TJP3: variants seen among roughly 807,000 people sequenced by gnomAD.
TJP3 encodes tight junction protein 3.
Under a neutral mutation model 104.2 loss-of-function variants are expected in TJP3, and 85 were observed. That is an observed-to-expected ratio of 0.82 (90% CI 0.68 to 0.98). The LOEUF (loss-of-function observed/expected upper bound fraction) is 0.98, where lower values mean the gene tolerates loss of function less well. Ranked by LOEUF, TJP3 falls within the 50% of genes least tolerant of loss-of-function variation. TJP3 has a pLI of 0.00. For missense variants in TJP3, 1,367 were observed against 1,322.8 expected, an observed-to-expected ratio of 1.03 and a Z score of -0.52; for synonymous variants, 550 against 550.6, an observed-to-expected ratio of 1.00 and a Z score of 0.02.
intron 10 of TJP3, 40 bp from the exon 11 acceptor site, chr19:3,736,125 G>T: frequency 6.4e-7 from 1 of 1,559,898 alleles, no homozygotes; most frequent in Non-Finnish European, 8.7e-7. Context: ...CCCTTTGTCC[G>T]CCCACTCTGC....
chr19:3,735,226 G>T (rs1172457716), intron 8 of TJP3, among the ~76,000 whole-genome samples: 1 of 151,908 alleles, frequency 6.6e-6, no homozygotes, highest in Non-Finnish European at 1.5e-5. Flanking sequence ...TGGAGACAAG[G>T]TCTCACTCTG....
intron 1 of TJP3, among the ~76,000 whole-genome samples, chr19:3,713,223 G>A (rs1485028015): frequency 2.0e-5 from 3 of 152,204 alleles, no homozygotes; most frequent in East Asian, 1.9e-4. Flanking sequence ...CCCACAGACC[G>A]GGGCGTCTCC....
chr19:3,727,678 G>C (rs2036614569), intron 1 of TJP3, among the ~76,000 whole-genome samples: 2 of 151,124 alleles, frequency 1.3e-5, no homozygotes, highest in East Asian at 2.0e-4. Flanking sequence ...GGGTGGATCA[G>C]TTGAGGTCAG....
intron 1 of TJP3, among the ~76,000 whole-genome samples, chr19:3,718,253 G>C (rs1431244506): frequency 1.8e-5 from 1 of 54,572 alleles, no homozygotes; most frequent in Non-Finnish European, 3.4e-5. Context: ...GTGTGTGTGT[G>C]TGTCTGTGTG....
At chr19:3,743,784 A>G in intron 14 of TJP3, 155 bp from the exon 15 acceptor site, 1 of 640,208 alleles carries the variant, frequency 1.6e-6, no homozygotes, top group Non-Finnish European at 2.7e-6. Context: ...ACCTAGCTGC[A>G]AAGGACACTG....
At chr19:3,741,955 AG>A (rs1191288517) in intron 14 of TJP3, among the ~76,000 whole-genome samples, 4 of 151,840 alleles carry the variant, frequency 2.6e-5, no homozygotes, top group Non-Finnish European at 5.9e-5. Context: ...GGGCAACAAG[AG>A]CAAAACTCCG....
intron 1 of TJP3, among the ~76,000 whole-genome samples, chr19:3,720,780 G>A (rs918054145): frequency 1.2e-4 from 18 of 152,114 alleles, no homozygotes; most frequent in Admixed American, 1.1e-3. Context: ...TGGGCTGGGT[G>A]AGAAGAAGGA....
At chr19:3,741,737 G>A (rs2036824504) in intron 14 of TJP3, among the ~76,000 whole-genome samples, 2 of 150,624 alleles carry the variant, frequency 1.3e-5, no homozygotes, top group African/African-American at 4.9e-5. Flanking sequence ...GGGAGGCTGA[G>A]GCAGGTGGAT....
chr19:3,716,943 C>T (rs1377077468), intron 1 of TJP3, among the ~76,000 whole-genome samples: 5 of 139,270 alleles, frequency 3.6e-5, no homozygotes, highest in Non-Finnish European at 4.8e-5. Flanking sequence ...GGATTACAGG[C>T]GGGTGCCAAC....
chr19:3,716,205 A>C (rs148072172), intron 1 of TJP3, among the ~76,000 whole-genome samples: 4 of 146,176 alleles, frequency 2.7e-5, no homozygotes, highest in Non-Finnish European at 4.6e-5. Context: ...CCCGAGTAGC[A>C]GGGATTACAG....
In TJP3 at chr19:3,744,588, C is replaced by T. The variant is rs1057400937; in HGVS notation, c.1939+554C>T. On this transcript the variant is annotated intron_variant, in intron 15 of 20. Transcript: ENST00000541714. ...CTGAGGCAGGAGAATTGCTTGAACC[C>T]GTGAGGCAGAGGTTGCAGTGAGCCG... Among the ~76,000 whole-genome samples, 6 of 151,826 alleles carry T rather than the reference C, an allele frequency of 4.0e-5. No homozygotes were observed. The East Asian group carries it at 5.8e-4, about 15-fold the overall frequency.
In TJP3 at chr19:3,746,603, G is replaced by A. The variant is rs773719790; in HGVS notation, c.2129G>A (p.Arg710His). 8.7e-6 allele frequency: 14 copies of A among 1,613,082 alleles called. No homozygotes were observed. In the Admixed American group the frequency reaches 1.2e-4, roughly 13 times the overall value. The change falls in exon 17 of 21, where the codon CGC becomes CAC. Residue 710 changes from arginine to histidine, a missense_variant. By Grantham distance (29) the Arg-to-His change is conservative. Coordinates refer to ENST00000541714, the MANE Select transcript of TJP3 (RefSeq NM_001267560.2). This position sits in a 1 kb window ranked among gnomAD's most constrained non-coding sequence, Gnocchi z 4.1. ...PESRPALKAL[R>H]QWLAPASRRS... ...AGCCGGCCGGCCCTCAAGGCACTGC[G>A]CCAGTGGCTGGCGCCTGCCTCCCGC...
At chr19:3,749,304 G>A (rs1044106713) in intron 19 of TJP3, among the ~76,000 whole-genome samples, 13 of 152,026 alleles carry the variant, frequency 8.6e-5, no homozygotes, top group African/African-American at 3.1e-4. Flanking sequence ...TAGTAGTTGC[G>A]TGTCTTTTTG....
Position 3,735,863 on chromosome 19 carries a change from T to C in TJP3, c.1061-6T>C. On this transcript the variant is annotated splice_region_variant and splice_polypyrimidine_tract_variant and intron_variant, in intron 9 of 20. Transcript: ENST00000541714. Reference sequence around the variant, plus strand: ...CTTGGGAAAGAGACTGGCTTTTCCCTTTCAGAGTTGCCCAGGGAAAGCAGC... The same window carrying C: ...CTTGGGAAAGAGACTGGCTTTTCCCCTTCAGAGTTGCCCAGGGAAAGCAGC... 1 of 1,614,092 alleles carries C rather than the reference T, an allele frequency of 6.2e-7. No individual in the cohort carries two copies. Among genetic ancestry groups the C allele is most frequent in the Non-Finnish European group, 8.5e-7 (1 of 1,180,012 alleles).
At position 3,716,760 on chromosome 19, in the gene TJP3, G is replaced by C. The variant is rs1416766182; in HGVS notation, c.-10+8199G>C. On this transcript the variant is annotated intron_variant, in intron 1 of 20. Transcript: ENST00000541714. Reference sequence around the variant, plus strand: ...CCCACTTCAGCGCCTAGAGGTGCCTGCTACCACACCCAGCTCATACATATA... The same window carrying C: ...CCCACTTCAGCGCCTAGAGGTGCCTCCTACCACACCCAGCTCATACATATA... 3.6e-5 allele frequency among the ~76,000 whole-genome samples: 5 copies of C among 138,512 alleles called. 1 individual carries two copies. The highest frequency in any genetic ancestry group is 1.3e-4 in the African/African-American group (5 of 38,640). 90.9% of individuals were successfully genotyped at this position (138,512 alleles called of 152,430 possible). A position where few individuals can be genotyped will look rare whatever the true frequency, so the allele number is the denominator to read the frequency against.
chr19:3,739,061 G>C lies in TJP3; in HGVS notation c.1558G>C (p.Gly520Arg). The C allele has an allele frequency of 6.2e-7, 1 of 1,608,772 alleles. No individual in the cohort carries two copies. The highest frequency in any genetic ancestry group is 8.5e-7 in the Non-Finnish European group (1 of 1,177,288). The stretch of plus-strand genomic sequence containing the variant: ...CCCCGGGCAGAGCCACGCACGAGGA[G>C]GCCACTGGCTGGCGGTGCGCATGGG... ...PGPGQSHARG[G>R]HWLAVRMGRD... The change falls in exon 13 of 21, where the codon GGC becomes CGC. Residue 520 changes from glycine (G) to arginine (R), a missense_variant. Gly to Arg is a moderately radical substitution (Grantham distance 125, BLOSUM62 -2). Coordinates refer to ENST00000541714, the MANE Select transcript of TJP3 (RefSeq NM_001267560.2).
At chr19:3,722,868 GCACA>G (rs1287921107) in intron 1 of TJP3, among the ~76,000 whole-genome samples, 86 of 70,782 alleles carry the variant, frequency 1.2e-3, no homozygotes, top group South Asian at 1.4e-3. Flanking sequence ...GGGGGGGGGG[GCACA>G]GGGGACGGCG....
In TJP3 at chr19:3,750,128, C is replaced by T; in HGVS notation, c.2611-10C>T. ...GGAGTTTTGAAGCTCCTCTCTCCCT[C>T]TCCTCCAAGGTGGACAGCCGCCACC... On this transcript the variant is annotated splice_polypyrimidine_tract_variant and intron_variant, in intron 19 of 20. Coordinates refer to ENST00000541714, the MANE Select transcript of TJP3 (RefSeq NM_001267560.2). The T allele has an allele frequency of 6.2e-7, 1 of 1,614,142 alleles. No individual in the cohort carries two copies. The highest frequency in any genetic ancestry group is 1.1e-5 in the South Asian group (1 of 91,078).
At chr19:3,716,780 C>CAT (rs1255662392) in intron 1 of TJP3, among the ~76,000 whole-genome samples, 1,634 of 103,208 alleles carry the variant, frequency 0.016, 107 homozygotes, top group South Asian at 0.025. Context: ...CCAGCTCATA[C>CAT]ATATATATAT....
Sources: allele counts gnomAD v4.1 joint callset (sites outside exome capture counted in the v4.1 genomes callset), GRCh38; gene constraint gnomAD v4.1.1; non-coding constraint Gnocchi (gnomAD v3.1); transcripts MANE v1.5; gene names NCBI Gene and HGNC (gene_info 2026-07-23, HGNC 2026-07-21).